Variants in TAFA1 observed in about 807,000 individuals in gnomAD.
TAFA1 encodes TAFA chemokine like family member 1.
A neutral mutation model predicts 18.5 loss-of-function variants in TAFA1; 4 were observed. The observed-to-expected ratio is 0.22, with a 90% CI of 0.11 to 0.49. The LOEUF is 0.49. TAFA1 is among the 20% of genes least tolerant of loss of function. The pLI is 0.98. For synonymous variants in TAFA1, 56 were observed against 55.2 expected, an observed-to-expected ratio of 1.01 and a Z score of -0.06; for missense variants, 147 against 169.0, an observed-to-expected ratio of 0.87 and a Z score of 0.72.
intron 2 of TAFA1, among the ~76,000 whole-genome samples, chr3:68,063,836 C>T (rs1279855828): frequency 1.3e-5 from 2 of 151,988 alleles, no homozygotes; most frequent in Non-Finnish European, 2.9e-5. Flanking sequence ...TTCACTGGAC[C>T]ACTAAAGGAG....
chr3:68,376,630 C>T (rs2069823942), intron 2 of TAFA1, among the ~76,000 whole-genome samples: 1 of 152,098 alleles, frequency 6.6e-6, no homozygotes, highest in Non-Finnish European at 1.5e-5. Flanking sequence ...GGTATATGTA[C>T]CACATCTTGT....
At chr3:68,247,202 G>A (rs1199361682) in intron 2 of TAFA1, among the ~76,000 whole-genome samples, 4 of 152,064 alleles carry the variant, frequency 2.6e-5, no homozygotes, top group Non-Finnish European at 1.5e-5. Flanking sequence ...CCACCTGAAT[G>A]TTCCCTCAGA....
At chr3:68,173,432 T>C (rs905700345) in intron 2 of TAFA1, among the ~76,000 whole-genome samples, 5 of 152,054 alleles carry the variant, frequency 3.3e-5, no homozygotes, top group African/African-American at 1.2e-4. Flanking sequence ...GCAAAGTGGC[T>C]CTTGAATGAT....
intron 2 of TAFA1, among the ~76,000 whole-genome samples, chr3:68,400,832 G>A (rs2070472707): frequency 1.3e-5 from 2 of 152,178 alleles, no homozygotes; most frequent in African/African-American, 2.4e-5. Flanking sequence ...TGTCGGGAAT[G>A]TGCAATCTTC....
At position 68,136,033 on chromosome 3, in the gene TAFA1, A is replaced by T. The variant is rs73092915; in HGVS notation, c.118+129289A>T. On this transcript the variant is annotated intron_variant, in intron 2 of 4. Coordinates refer to ENST00000478136, the MANE Select transcript of TAFA1 (RefSeq NM_213609.4). ...ATTTCAGAAAGATTGACTTGCACAT[A>T]TTCTTCTGATTTTGACTCATAGCTC... 3.5e-3 allele frequency among the ~76,000 whole-genome samples: 531 copies of T among 152,318 alleles called. 1 individual carries two copies. Among genetic ancestry groups the T allele is most frequent in the Non-Finnish European group, 6.8e-3 (462 of 68,020 alleles).
intron 2 of TAFA1, among the ~76,000 whole-genome samples, chr3:68,308,172 A>G (rs779515688): frequency 1.3e-5 from 2 of 152,152 alleles, no homozygotes; most frequent in Non-Finnish European, 2.9e-5. Flanking sequence ...ATGAATTCAG[A>G]GGACCCCAGA....
chr3:68,355,801 AGTGACT>A (rs2069351085), intron 2 of TAFA1, among the ~76,000 whole-genome samples: 1 of 151,990 alleles, frequency 6.6e-6, no homozygotes, highest in East Asian at 1.9e-4. Context: ...AAAGCAATGA[AGTGACT>A]GCTTGTAAGG....
intron 2 of TAFA1, among the ~76,000 whole-genome samples, chr3:68,383,481 A>G (rs1055672867): frequency 3.3e-5 from 5 of 152,050 alleles, no homozygotes; most frequent in African/African-American, 1.2e-4. Context: ...GATGAATCAC[A>G]TTTATTTTTT....
intron 3 of TAFA1, among the ~76,000 whole-genome samples, chr3:68,507,883 GT>G (rs1432883829): frequency 1.4e-4 from 21 of 152,142 alleles, no homozygotes; most frequent in Admixed American, 1.4e-3. Flanking sequence ...ATGATGTCAT[GT>G]TATTACAAAG....
chr3:68,237,128 G>T (rs2107128213), intron 2 of TAFA1, among the ~76,000 whole-genome samples: 1 of 152,312 alleles, frequency 6.6e-6, no homozygotes, highest in Admixed American at 6.5e-5. Flanking sequence ...CAACAGAAAT[G>T]TATTTCTCAA....
intron 2 of TAFA1, among the ~76,000 whole-genome samples, chr3:68,260,054 A>G (rs1157408066): frequency 1.3e-5 from 2 of 152,136 alleles, no homozygotes; most frequent in African/African-American, 2.4e-5. Context: ...TGCCCATTCA[A>G]TATGATGTTG....
intron 3 of TAFA1, among the ~76,000 whole-genome samples, chr3:68,486,564 G>A (rs2072344262): frequency 6.6e-6 from 1 of 152,086 alleles, no homozygotes; most frequent in Non-Finnish European, 1.5e-5. Context: ...ATCTAAGACT[G>A]TTTCCTCATA....
At chr3:68,062,086 C>A (rs1345859666) in intron 2 of TAFA1, among the ~76,000 whole-genome samples, 1 of 152,168 alleles carries the variant, frequency 6.6e-6, no homozygotes, top group East Asian at 1.9e-4. Flanking sequence ...TACTACATTT[C>A]TAACAGCCAA....
intron 2 of TAFA1, among the ~76,000 whole-genome samples, chr3:68,172,046 G>A (rs1575659529): frequency 6.6e-6 from 1 of 152,100 alleles, no homozygotes; most frequent in Non-Finnish European, 1.5e-5. Context: ...GAAATTTGAA[G>A]AAATAAGAGT....
At chr3:68,273,061 G>T (rs966278831) in intron 2 of TAFA1, among the ~76,000 whole-genome samples, 1 of 151,952 alleles carries the variant, frequency 6.6e-6, no homozygotes, top group Non-Finnish European at 1.5e-5. Flanking sequence ...ATAAATAACT[G>T]CAAATTATGC....
chr3:68,337,814 GA>G (rs2069000468), intron 2 of TAFA1, among the ~76,000 whole-genome samples: 1 of 152,156 alleles, frequency 6.6e-6, no homozygotes, highest in East Asian at 1.9e-4. Flanking sequence ...TATGTGAAGT[GA>G]GGTACACATC....
chr3:68,263,233 A>G (rs1427908296), intron 2 of TAFA1, among the ~76,000 whole-genome samples: 1 of 152,260 alleles, frequency 6.6e-6, no homozygotes, highest in South Asian at 2.1e-4. Flanking sequence ...GTATACTTCT[A>G]TGGTATAAAC....
intron 3 of TAFA1, among the ~76,000 whole-genome samples, chr3:68,467,922 T>C (rs576310451): frequency 6.6e-6 from 1 of 152,328 alleles, no homozygotes; most frequent in East Asian, 1.9e-4. Flanking sequence ...TCTTTTTCAG[T>C]AAATGTTCCA....
intron 2 of TAFA1, among the ~76,000 whole-genome samples, chr3:68,309,767 G>T: frequency 6.6e-6 from 1 of 152,180 alleles, no homozygotes; most frequent in Non-Finnish European, 1.5e-5. Flanking sequence ...TGGCTTCAAA[G>T]GGGGCTCAAC....
Sources: gnomAD v4.1 joint callset for allele counts (sites outside exome capture counted in the v4.1 genomes callset) on GRCh38, gnomAD v4.1.1 for gene constraint, MANE v1.5 for transcripts, NCBI Gene and HGNC (gene_info 2026-07-23, HGNC 2026-07-21) for gene names.